IKBKG: variants seen among roughly 807,000 people sequenced by gnomAD.
IKBKG encodes inhibitor of nuclear factor kappa B kinase regulatory subunit gamma.
In IKBKG, 2 loss-of-function variants were observed where a neutral mutation model predicts 13.7. The observed-to-expected ratio is 0.15, with a 90% CI of 0.06 to 0.46. The LOEUF (loss-of-function observed/expected upper bound fraction) is 0.46, where lower values mean the gene tolerates loss of function less well. Ranked by LOEUF, IKBKG falls within the 20% of genes least tolerant of loss-of-function variation. IKBKG has a pLI of 0.98. For synonymous variants in IKBKG, 22 were observed against 64.4 expected, an observed-to-expected ratio of 0.34 and a Z score of 3.15; for missense variants, 53 against 150.3, an observed-to-expected ratio of 0.35 and a Z score of 3.39.
At chrX:154,555,640 TG>T (rs1286949006) in intron 2 of IKBKG, among the ~76,000 whole-genome samples, 21 of 112,610 alleles carry the variant, frequency 1.9e-4, no homozygotes, top group Non-Finnish European at 1.1e-4. Context: ...AGTGCAATGG[TG>T]TGATCTCGGC....
At chrX:154,547,973 A>T (rs2070801340) in intron 1 of IKBKG, 1 of 753,316 alleles carries the variant, frequency 1.3e-6, no homozygotes, top group Non-Finnish European at 1.6e-6. Context: ...GTCTGACCCT[A>T]CTCCTTGTGT....
chrX:154,554,760 A>G (rs1411400544), intron 2 of IKBKG, among the ~76,000 whole-genome samples: 1 of 111,719 alleles, frequency 9.0e-6, no homozygotes, highest in African/African-American at 3.3e-5. Flanking sequence ...TGTCTCAAAA[A>G]AAAAGACAAG....
intron 2 of IKBKG, among the ~76,000 whole-genome samples, chrX:154,553,412 G>A (rs1047894627): frequency 2.7e-5 from 3 of 112,868 alleles, no homozygotes; most frequent in East Asian, 5.6e-4. Context: ...CTGACACCCC[G>A]TGGGCAGAGA....
exon 2 of IKBKG, chrX:154,542,350 C>T (rs1312509919): frequency 1.7e-6 from 2 of 1,202,470 alleles, no homozygotes; most frequent in African/African-American, 1.8e-5. Context: ...TCCCCTCACT[C>T]CCTGTGAAGC....
chrX:154,545,562 T>C (rs2070678131), upstream of IKBKG, among the ~76,000 whole-genome samples: 1 of 111,506 alleles, frequency 9.0e-6, no homozygotes. Context: ...CAGCCGGGCG[T>C]GGTGGCTCAT....
At chrX:154,542,799 G>A (rs1393890669), upstream of IKBKG, among the ~76,000 whole-genome samples, 2 of 111,820 alleles carry the variant, frequency 1.8e-5, no homozygotes, top group Non-Finnish European at 3.8e-5. Context: ...TGCGCTTTGG[G>A]GGACTGGGGA....
upstream of IKBKG, chrX:154,546,170 GAAGA>G (rs2070707576): frequency 8.3e-7 from 1 of 1,211,439 alleles, no homozygotes; most frequent in Non-Finnish European, 1.1e-6. Context: ...CTGTCTGGTG[GAAGA>G]AAGGCTCGTT....
At chrX:154,553,308 C>A (rs781860405) in intron 2 of IKBKG, among the ~76,000 whole-genome samples, 1 of 112,714 alleles carries the variant, frequency 8.9e-6, no homozygotes, top group East Asian at 2.8e-4. Flanking sequence ...GGGCCCACTC[C>A]CCCGCCTTCT....
chrX:154,549,344 T>C (rs2070861301), intron 1 of IKBKG, among the ~76,000 whole-genome samples: 1 of 110,666 alleles, frequency 9.0e-6, no homozygotes, highest in Non-Finnish European at 1.9e-5. Flanking sequence ...CGATCTTGGC[T>C]CACCGCAACC....
upstream of IKBKG, chrX:154,542,501 C>T (rs782457761): frequency 1.8e-6 from 2 of 1,132,379 alleles, no homozygotes; most frequent in Non-Finnish European, 2.3e-6. Flanking sequence ...CCTGAGAAGG[C>T]AGGAAGTGGC....
At chrX:154,542,420 G>A (rs2070539125), upstream of IKBKG, 12 of 1,197,148 alleles carry the variant, frequency 1.0e-5, no homozygotes, top group Non-Finnish European at 1.4e-5. Context: ...GCGCACACTA[G>A]TCTACAAGGC....
chrX:154,548,165 G>A (rs1298163782), intron 1 of IKBKG: 1 of 682,012 alleles, frequency 1.5e-6, no homozygotes, highest in African/African-American at 2.4e-5. Context: ...TCTGTGATCT[G>A]AGAATGAATG....
At chrX:154,545,859 C>G, upstream of IKBKG, 5 of 407,788 alleles carry the variant, frequency 1.2e-5, no homozygotes, top group Non-Finnish European at 1.2e-5. Context: ...AAAAAAAAGT[C>G]TTGCAAGTGC....
At chrX:154,546,322 GT>G, upstream of IKBKG, 1 of 666,346 alleles carries the variant, frequency 1.5e-6, no homozygotes, top group Non-Finnish European at 2.3e-6. Context: ...TGGTTGATGG[GT>G]TAGAAACTGC....
upstream of IKBKG, chrX:154,546,865 G>A (rs782307351): frequency 4.5e-6 from 5 of 1,105,156 alleles, no homozygotes; most frequent in East Asian, 3.7e-5. Flanking sequence ...AGCCCCGCCG[G>A]CCCATTTAAT....
chrX:154,552,958 C>G (rs1044566122), intron 2 of IKBKG, among the ~76,000 whole-genome samples: 1 of 112,155 alleles, frequency 8.9e-6, no homozygotes, highest in African/African-American at 3.2e-5. Context: ...TCTGCATTGC[C>G]CTGGGTTAGC....
chrX:154,547,646 G>T lies in IKBKG; in HGVS notation c.-115G>T, dbSNP rs2070786030. 1 of 754,897 alleles carries T rather than the reference G, an allele frequency of 1.3e-6. No individual in the cohort carries two copies. Among genetic ancestry groups the T allele is most frequent in the Non-Finnish European group, 1.6e-6 (1 of 639,473 alleles). 62.2% of individuals were successfully genotyped at this position (754,897 alleles called of 1,213,427 possible). The stretch of plus-strand genomic sequence containing the variant: ...GAAGCCGGAAGCGTGGTAGGGAAGG[G>T]CGACCGCGAAACTGGGACTTTCTCG... On this transcript the variant is annotated 5_prime_UTR_variant, in exon 1 of 10. Transcript: ENST00000594239.
In IKBKG at chrX:154,547,728, G is replaced by A; in HGVS notation, c.-33G>A. 3 of 755,096 alleles carry A rather than the reference G, an allele frequency of 4.0e-6. No homozygotes were observed. Among genetic ancestry groups the A allele is most frequent in the Non-Finnish European group, 4.7e-6 (3 of 639,508 alleles). 62.2% of individuals were successfully genotyped at this position (755,096 alleles called of 1,213,427 possible). On this transcript the variant is annotated 5_prime_UTR_variant, in exon 1 of 10. Transcript: ENST00000594239. ...CGCCGCTCCCACCCTTCTCACGTCTGACGGACTCTGCTGACAGGTGTGGTC... is the reference window on the plus strand; with the variant it reads ...CGCCGCTCCCACCCTTCTCACGTCTAACGGACTCTGCTGACAGGTGTGGTC...
chrX:154,548,880 T>TA (rs1339573335), intron 1 of IKBKG, among the ~76,000 whole-genome samples: 2 of 111,092 alleles, frequency 1.8e-5, no homozygotes, highest in Non-Finnish European at 3.8e-5. Flanking sequence ...TAGTAAATCT[T>TA]ACATTCACAG....
Sources: gnomAD v4.1 joint callset for allele counts (sites outside exome capture counted in the v4.1 genomes callset) on GRCh38, gnomAD v4.1.1 for gene constraint, MANE v1.5 for transcripts, NCBI Gene and HGNC (gene_info 2026-07-23, HGNC 2026-07-21) for gene names.